The following DMD variants were observed in gnomAD, a reference collection of about 807,000 sequenced individuals.
DMD encodes the protein dystrophin.
Under a neutral mutation model 330.1 loss-of-function variants are expected in DMD, and 63 were observed. The observed-to-expected ratio is 0.19, with a 90% CI of 0.16 to 0.24. DMD has a LOEUF of 0.24. Ranked by LOEUF, DMD falls within the 10% of genes least tolerant of loss-of-function variation. The pLI is 1.00. For missense variants in DMD, 3,344 were observed against 2,684.1 expected, an observed-to-expected ratio of 1.25 and a Z score of -5.43; for synonymous variants, 1,223 against 959.8, an observed-to-expected ratio of 1.27 and a Z score of -5.07.
At chrX:33,237,148 G>T (rs968261461) in intron 1 of DMD, among the ~76,000 whole-genome samples, 1 of 107,760 alleles carries the variant, frequency 9.3e-6, no homozygotes, top group African/African-American at 3.4e-5. Flanking sequence ...AATATAAAAC[G>T]CACGCCATTG....
chrX:31,370,658 T>A (rs959352206), intron 60 of DMD, among the ~76,000 whole-genome samples: 1 of 112,451 alleles, frequency 8.9e-6, no homozygotes, highest in Non-Finnish European at 1.9e-5. Flanking sequence ...AACTACCATA[T>A]GACCTAACAA....
At chrX:31,229,537 G>T (rs750966338) in intron 63 of DMD, among the ~76,000 whole-genome samples, 1 of 111,916 alleles carries the variant, frequency 8.9e-6, no homozygotes, top group East Asian at 2.8e-4. Context: ...AGATAAATTG[G>T]TATAGTGGTC....
rs376340899 is a variant in DMD at position 32,577,625 on chromosome X, C to A, written c.1603-3779G>T. On this transcript the variant is annotated intron_variant, in intron 13 of 78. Transcript: ENST00000357033. ...CAAGGGTCATCTATTTTACTGTATTCACTGTAGAAAGGCACCCATTAAATC... is the reference window on the plus strand; with the variant it reads ...CAAGGGTCATCTATTTTACTGTATTAACTGTAGAAAGGCACCCATTAAATC... Among the ~76,000 whole-genome samples the A allele has an allele frequency of 1.1e-4, 12 of 112,369 alleles. No individual in the cohort carries two copies. In the East Asian group the frequency reaches 2.5e-3, roughly 24 times the overall value.
chrX:32,928,442 A>T (rs2089284553), intron 2 of DMD, among the ~76,000 whole-genome samples: 1 of 111,330 alleles, frequency 9.0e-6, no homozygotes, highest in South Asian at 3.7e-4. Flanking sequence ...CAATAGCATG[A>T]CTGCTTACTG....
intron 1 of DMD, among the ~76,000 whole-genome samples, chrX:33,326,418 C>G (rs1310565529): frequency 5.4e-5 from 6 of 111,795 alleles, no homozygotes; most frequent in Non-Finnish European, 1.1e-4. Flanking sequence ...AGAAGAGGCA[C>G]TAGCTACACT....
At chrX:33,008,939 C>CAT (rs1557204396) in intron 2 of DMD, among the ~76,000 whole-genome samples, 21 of 93,649 alleles carry the variant, frequency 2.2e-4, no homozygotes, top group African/African-American at 7.7e-4. Flanking sequence ...TATATATACA[C>CAT]ACGTATATAT....
chrX:31,194,648 C>T (rs980959600), intron 67 of DMD, among the ~76,000 whole-genome samples: 8 of 112,185 alleles, frequency 7.1e-5, no homozygotes, highest in Non-Finnish European at 1.5e-4. Flanking sequence ...ATCCTTTCAA[C>T]TACTCTTTGT....
intron 27 of DMD, among the ~76,000 whole-genome samples, chrX:32,447,173 A>T (rs2098309031): frequency 9.0e-6 from 1 of 110,593 alleles, no homozygotes. Flanking sequence ...GGGTACAAAA[A>T]GTCCCTCCCT....
intron 11 of DMD, among the ~76,000 whole-genome samples, chrX:32,627,895 T>C (rs1011212878): frequency 9.0e-6 from 1 of 110,873 alleles, no homozygotes; most frequent in African/African-American, 3.3e-5. Context: ...TACCCTATTT[T>C]TTAAATTTTT....
chrX:33,008,830 A>ATATATGTG (rs1569548694), intron 2 of DMD, among the ~76,000 whole-genome samples: 114 of 61,708 alleles, frequency 1.8e-3, no homozygotes, highest in African/African-American at 6.2e-3. Context: ...ATGTATACGT[A>ATATATGTG]TATATATACA....
At chrX:32,057,994 C>A (rs2147630111) in intron 44 of DMD, among the ~76,000 whole-genome samples, 1 of 111,234 alleles carries the variant, frequency 9.0e-6, no homozygotes, top group South Asian at 3.7e-4. Context: ...TCCTCTTCAA[C>A]CAATGGTGCT....
intron 2 of DMD, among the ~76,000 whole-genome samples, chrX:32,928,215 TTTTC>T (rs1472862999): frequency 9.0e-6 from 1 of 111,162 alleles, no homozygotes; most frequent in African/African-American, 3.3e-5. Context: ...GAGGTAATTT[TTTTC>T]TTTGTCATAA....
At chrX:31,166,532 C>T (rs1471441417) in intron 74 of DMD, among the ~76,000 whole-genome samples, 1 of 111,800 alleles carries the variant, frequency 8.9e-6, no homozygotes, top group Non-Finnish European at 1.9e-5. Context: ...TGTCAGATTG[C>T]GTAGCCCAAT....
At chrX:32,611,985 C>T (rs1246664215) in intron 12 of DMD, among the ~76,000 whole-genome samples, 1 of 111,634 alleles carries the variant, frequency 9.0e-6, no homozygotes. Context: ...AGCTCGAATT[C>T]TGGCTTCTAG....
chrX:31,181,182 C>T (rs1020318700), intron 68 of DMD, among the ~76,000 whole-genome samples: 1 of 111,540 alleles, frequency 9.0e-6, no homozygotes, highest in Admixed American at 9.5e-5. Context: ...TATCAGAATG[C>T]GATATTCTTT....
rs2053180441 is a variant in DMD at position 33,272,797 on chromosome X, G to A, written c.7+66462C>T. Among the ~76,000 whole-genome samples, 7 of 111,536 alleles carry A rather than the reference G, an allele frequency of 6.3e-5. No individual in the cohort carries two copies. In the Admixed American group the frequency reaches 6.7e-4, roughly 11 times the overall value. On this transcript the variant is annotated intron_variant, in intron 1 of 17. Transcript: ENST00000288447. ...CATTACTGGGTCAAATCATGTCTGT[G>A]AGACAAAATGAAAGGTAAAAATAGT...
chrX:32,158,295 G>T lies in DMD; in HGVS notation c.6438+58621C>A, dbSNP rs1379593966. On this transcript the variant is annotated intron_variant, in intron 44 of 78. Transcript: ENST00000357033. Reference sequence around the variant, plus strand: ...CATCTGTGATCCCAGCTACTTAGGAGGCTGAGGTGGGAGGATCATTTGAGC... The same window carrying T: ...CATCTGTGATCCCAGCTACTTAGGATGCTGAGGTGGGAGGATCATTTGAGC... 6.3e-5 allele frequency among the ~76,000 whole-genome samples: 7 copies of T among 111,581 alleles called. No individual in the cohort carries two copies. In the Admixed American group the frequency reaches 6.7e-4, roughly 11 times the overall value.
At chrX:32,292,302 CTTTTTT>C (rs10652780) in intron 42 of DMD, among the ~76,000 whole-genome samples, 1 of 62,913 alleles carries the variant, frequency 1.6e-5, no homozygotes, top group East Asian at 6.8e-4. Context: ...AGGGAATATT[CTTTTTT>C]TTTTTTTTTT....
At chrX:32,558,209 T>C (rs1368190184) in intron 16 of DMD, among the ~76,000 whole-genome samples, 1 of 111,627 alleles carries the variant, frequency 9.0e-6, no homozygotes, top group Admixed American at 9.6e-5. Flanking sequence ...GTATGTTGTC[T>C]TCTGGATTCA....
Sources: allele counts gnomAD v4.1 joint callset (sites outside exome capture counted in the v4.1 genomes callset), GRCh38; gene constraint gnomAD v4.1.1; transcripts MANE v1.5; gene names NCBI Gene and HGNC (gene_info 2026-07-23, HGNC 2026-07-21).